PPARGC1A: variants seen among roughly 807,000 people sequenced by gnomAD.
PPARGC1A encodes the protein peroxisome proliferator-activated receptor gamma coactivator 1-alpha.
Under a neutral mutation model 88.7 loss-of-function variants are expected in PPARGC1A, and 25 were observed. That is an observed-to-expected ratio of 0.28 (90% CI 0.21 to 0.39). The LOEUF is 0.39. Ranked by LOEUF, PPARGC1A falls within the 10% of genes least tolerant of loss-of-function variation. The probability of loss-of-function intolerance (pLI) is 1.00; values close to 1 mark genes in which losing one functional copy is unlikely to be tolerated. For missense variants in PPARGC1A, 880 were observed against 968.7 expected (o/e 0.91, Z 1.22); for synonymous variants, 363 against 355.6 (o/e 1.02, Z -0.24).
At chr4:23,843,268 A>G (rs1323754326) in intron 2 of PPARGC1A, among the ~76,000 whole-genome samples, 4 of 152,110 alleles carry the variant, frequency 2.6e-5, no homozygotes, top group Non-Finnish European at 5.9e-5. Flanking sequence ...GATTTTTTAA[A>G]GGCCGTATAA....
the PPARGC1A span, among the ~76,000 whole-genome samples, chr4:24,138,381 A>T: frequency 6.6e-6 from 1 of 152,196 alleles, no homozygotes; most frequent in African/African-American, 2.4e-5. Flanking sequence ...ACAATTGGAC[A>T]CAGTCCAATT....
the PPARGC1A span, among the ~76,000 whole-genome samples, chr4:24,294,971 C>T: frequency 6.6e-6 from 1 of 152,188 alleles, no homozygotes; most frequent in South Asian, 2.1e-4. Flanking sequence ...TCAGCAAGCC[C>T]ATGGGGGGAC....
chr4:23,982,748 A>T, the PPARGC1A span, among the ~76,000 whole-genome samples: 4 of 152,172 alleles, frequency 2.6e-5, no homozygotes, highest in African/African-American at 9.6e-5. Context: ...TCATCTATAA[A>T]GTTGGGATTA....
At chr4:24,135,813 T>C in the PPARGC1A span, among the ~76,000 whole-genome samples, 1 of 152,216 alleles carries the variant, frequency 6.6e-6, no homozygotes, top group South Asian at 2.1e-4. Flanking sequence ...TTTTGATTAA[T>C]CCTTCAGAAT....
intron 8 of PPARGC1A, 55 bp from the exon 9 acceptor site, chr4:23,813,180 T>G (rs1180058489): frequency 6.8e-7 from 1 of 1,463,234 alleles, no homozygotes; most frequent in African/African-American, 1.4e-5. Context: ...TTAACCCAAG[T>G]TTATCGGCAC....
intron 10 of PPARGC1A, among the ~76,000 whole-genome samples, chr4:23,804,672 A>G (rs546685971): frequency 6.6e-6 from 1 of 152,132 alleles, no homozygotes; most frequent in Non-Finnish European, 1.5e-5. Flanking sequence ...TATCTCTTAT[A>G]TCGCATTCTT....
the PPARGC1A span, among the ~76,000 whole-genome samples, chr4:24,111,831 C>T: frequency 2.0e-5 from 3 of 152,126 alleles, no homozygotes; most frequent in Non-Finnish European, 4.4e-5. Flanking sequence ...AACACACATG[C>T]GCACGTGCAC....
chr4:23,796,686 G>A (rs1397429145), intron 12 of PPARGC1A, among the ~76,000 whole-genome samples: 2 of 151,942 alleles, frequency 1.3e-5, no homozygotes, highest in African/African-American at 4.8e-5. Flanking sequence ...AAATATTCCT[G>A]GTTTTTCTCC....
the PPARGC1A span, among the ~76,000 whole-genome samples, chr4:24,296,205 A>G: frequency 5.7e-4 from 84 of 146,918 alleles, no homozygotes; most frequent in African/African-American, 1.9e-3. Flanking sequence ...GTGTGTGTGT[A>G]TATATATATA....
upstream of PPARGC1A, among the ~76,000 whole-genome samples, chr4:23,894,018 G>T (rs1029006104): frequency 6.6e-6 from 1 of 152,118 alleles, no homozygotes; most frequent in Non-Finnish European, 1.5e-5. Flanking sequence ...AAGGTTTGGA[G>T]GGCAGCTGGA....
intron 1 of PPARGC1A, among the ~76,000 whole-genome samples, chr4:23,887,969 G>C (rs1485020025): frequency 6.6e-6 from 1 of 152,052 alleles, no homozygotes; most frequent in Non-Finnish European, 1.5e-5. Context: ...TGAAACACGG[G>C]GCACTCCAAG....
chr4:23,992,452 G>C, the PPARGC1A span, among the ~76,000 whole-genome samples: 2 of 151,830 alleles, frequency 1.3e-5, no homozygotes, highest in African/African-American at 4.8e-5. Flanking sequence ...TGTAAAATGG[G>C]TATTATGTTT....
At chr4:24,300,632 T>C in the PPARGC1A span, among the ~76,000 whole-genome samples, 1 of 152,092 alleles carries the variant, frequency 6.6e-6, no homozygotes, top group Admixed American at 6.6e-5. Context: ...CTAGTATTTA[T>C]TAGGTAAATT....
the PPARGC1A span, among the ~76,000 whole-genome samples, chr4:24,200,140 G>A: frequency 6.6e-6 from 1 of 152,004 alleles, no homozygotes; most frequent in Non-Finnish European, 1.5e-5. Context: ...AGAGAAGAGA[G>A]CAAGTCATAG....
the PPARGC1A span, among the ~76,000 whole-genome samples, chr4:24,125,692 G>A: frequency 4.4e-5 from 2 of 45,960 alleles, no homozygotes; most frequent in Non-Finnish European, 1.2e-4. Flanking sequence ...AAGTTGTATA[G>A]AAGATTAGAG....
At chr4:24,263,012 C>A in the PPARGC1A span, among the ~76,000 whole-genome samples, 1 of 152,114 alleles carries the variant, frequency 6.6e-6, no homozygotes, top group Non-Finnish European at 1.5e-5. Flanking sequence ...AACAGTCCTA[C>A]GTAGATTTTA....
At chr4:23,982,068 T>A in the PPARGC1A span, among the ~76,000 whole-genome samples, 3 of 152,162 alleles carry the variant, frequency 2.0e-5, no homozygotes, top group East Asian at 5.8e-4. Flanking sequence ...CGTTTCTCCC[T>A]GAGTGCTGAA....
the PPARGC1A span, among the ~76,000 whole-genome samples, chr4:24,348,718 T>A: frequency 2.0e-5 from 3 of 152,188 alleles, no homozygotes; most frequent in Admixed American, 6.5e-5. Context: ...ACTTCTTATA[T>A]CATTTTTTGG....
At chr4:23,946,014 C>T in the PPARGC1A span, among the ~76,000 whole-genome samples, 1 of 152,074 alleles carries the variant, frequency 6.6e-6, no homozygotes, top group East Asian at 1.9e-4. Context: ...CGGACCCTCC[C>T]TCCTCCCCAG....
Sources: gnomAD v4.1 joint callset for allele counts (sites outside exome capture counted in the v4.1 genomes callset) on GRCh38, gnomAD v4.1.1 for gene constraint, MANE v1.5 for transcripts, NCBI Gene and HGNC (gene_info 2026-07-23, HGNC 2026-07-21) for gene names.